LEPR: variants seen among roughly 807,000 people sequenced by gnomAD.
The protein encoded by LEPR is OB receptor.
In LEPR, 56 loss-of-function variants were observed where a neutral mutation model predicts 114.7. The observed-to-expected ratio is 0.49, with a 90% CI of 0.39 to 0.61. The LOEUF is 0.61. LEPR is among the 20% of genes least tolerant of loss of function. The probability of loss-of-function intolerance (pLI) is 0.00; values close to 1 mark genes in which losing one functional copy is unlikely to be tolerated. For missense variants in LEPR, 1,202 were observed against 1,352.9 expected, an observed-to-expected ratio of 0.89 and a Z score of 1.75; for synonymous variants, 443 against 461.4, an observed-to-expected ratio of 0.96 and a Z score of 0.51.
intron 19 of LEPR, among the ~76,000 whole-genome samples, chr1:65,624,981 T>C (rs1303018306): frequency 6.6e-6 from 1 of 152,204 alleles, no homozygotes; most frequent in Admixed American, 6.5e-5. Context: ...TCCTCACCTG[T>C]GCTGTTGCTC....
intron 5 of LEPR, among the ~76,000 whole-genome samples, chr1:65,588,375 C>T (rs936730947): frequency 6.6e-6 from 1 of 151,612 alleles, no homozygotes; most frequent in Non-Finnish European, 1.5e-5. Context: ...ACAAAAATTT[C>T]CTGGATTTTC....
intron 19 of LEPR, chr1:65,634,151 T>C (rs536945269): frequency 1.0e-6 from 1 of 985,348 alleles, no homozygotes; most frequent in African/African-American, 1.7e-5. Context: ...TATGCTGCGT[T>C]GCTCACATTC....
chr1:65,589,921 A>G (rs1391552574), intron 5 of LEPR, among the ~76,000 whole-genome samples: 1 of 151,990 alleles, frequency 6.6e-6, no homozygotes, highest in Non-Finnish European at 1.5e-5. Flanking sequence ...GCATTTCCAT[A>G]TGAATTTTTA....
chr1:65,546,280 T>C (rs1342094978), intron 2 of LEPR, among the ~76,000 whole-genome samples: 1 of 152,356 alleles, frequency 6.6e-6, no homozygotes, highest in Non-Finnish European at 1.5e-5. Context: ...AGGATTGACT[T>C]GGCGATGCGG....
intron 2 of LEPR, among the ~76,000 whole-genome samples, chr1:65,528,975 T>C (rs1394577336): frequency 1.6e-5 from 1 of 63,692 alleles, no homozygotes; most frequent in African/African-American, 5.0e-5. Flanking sequence ...TGGCTATTTT[T>C]TTTTTTTTTT....
At chr1:65,625,401 A>G (rs952855005) in intron 19 of LEPR, among the ~76,000 whole-genome samples, 4 of 152,312 alleles carry the variant, frequency 2.6e-5, no homozygotes, top group African/African-American at 7.2e-5. Context: ...CCCTGGCATT[A>G]TAAGGATAAG....
At chr1:65,589,868 T>C (rs920530239) in intron 5 of LEPR, among the ~76,000 whole-genome samples, 1 of 152,086 alleles carries the variant, frequency 6.6e-6, no homozygotes, top group African/African-American at 2.4e-5. Context: ...CTTCAAAATA[T>C]GTTCTTCAGT....
intron 2 of LEPR, among the ~76,000 whole-genome samples, chr1:65,544,368 A>G (rs1040799648): frequency 6.6e-6 from 1 of 152,028 alleles, no homozygotes; most frequent in Non-Finnish European, 1.5e-5. Context: ...TTCTAAATAC[A>G]CAATCATGTC....
At chr1:65,523,651 A>G (rs1486914983) in intron 2 of LEPR, among the ~76,000 whole-genome samples, 2 of 152,166 alleles carry the variant, frequency 1.3e-5, no homozygotes, top group African/African-American at 4.8e-5. Context: ...AATTAATTAT[A>G]TTTAGTGCCA....
intron 12 of LEPR, among the ~76,000 whole-genome samples, 175 bp from the exon 13 acceptor site, chr1:65,609,772 C>T (rs1657048874): frequency 6.6e-6 from 1 of 152,142 alleles, no homozygotes; most frequent in African/African-American, 2.4e-5. Flanking sequence ...AAATCCTTGA[C>T]TTGAAGGAGT....
At chr1:65,572,155 C>T (rs775764458) in intron 4 of LEPR, among the ~76,000 whole-genome samples, 171 bp from the exon 5 acceptor site, 2 of 151,626 alleles carry the variant, frequency 1.3e-5, no homozygotes, top group African/African-American at 2.4e-5. Flanking sequence ...GATGGGCAAA[C>T]GCATGCCACT....
At chr1:65,455,075 C>T (rs533488253) in intron 2 of LEPR, among the ~76,000 whole-genome samples, 182 of 152,284 alleles carry the variant, frequency 1.2e-3, no homozygotes, top group South Asian at 8.7e-3. Flanking sequence ...TTGATCGCAT[C>T]GGCTCCTGAG....
chr1:65,499,130 A>T (rs1359002915), intron 2 of LEPR, among the ~76,000 whole-genome samples: 2 of 152,148 alleles, frequency 1.3e-5, no homozygotes, highest in Non-Finnish European at 2.9e-5. Context: ...GCACTTTACT[A>T]TGTCTAAATG....
In LEPR at chr1:65,537,605, G is replaced by A. The variant is rs141640677; in HGVS notation, c.-20-27941G>A. On this transcript the variant is annotated intron_variant, in intron 2 of 19. Coordinates refer to ENST00000349533, the MANE Select transcript of LEPR (RefSeq NM_002303.6). ...TGGTTACATTTGTCATTTCCACCAC[G>A]ATATTTGTTCCATTAACTACAGACA... Among the ~76,000 whole-genome samples, 5 of 151,742 alleles carry A rather than the reference G, an allele frequency of 3.3e-5. No homozygotes were observed. The South Asian group carries it at 6.2e-4, about 19-fold the overall frequency.
intron 2 of LEPR, among the ~76,000 whole-genome samples, chr1:65,524,285 A>G (rs548225706): frequency 1.5e-4 from 23 of 152,318 alleles, no homozygotes; most frequent in Admixed American, 3.3e-4. Context: ...TCTCCATCCA[A>G]TAGAGACACC....
intron 2 of LEPR, among the ~76,000 whole-genome samples, chr1:65,466,003 T>C (rs902545337): frequency 6.6e-6 from 1 of 152,232 alleles, no homozygotes; most frequent in South Asian, 2.1e-4. Flanking sequence ...TGTCTTTTAA[T>C]TGGGGCATTT....
chr1:65,636,597 G>A lies in LEPR; in HGVS notation c.3080G>A (p.Ser1027Asn). The A allele has an allele frequency of 6.2e-7, 1 of 1,614,016 alleles. No individual in the cohort carries two copies. The highest frequency in any genetic ancestry group is 8.5e-7 in the Non-Finnish European group (1 of 1,179,964). ...NSPLKDSFSN[S>N]SWEIEAQAFF... is the part of the protein sequence containing the mutation. ...CCGTTGAAGGATTCTTTCTCTAATA[G>A]CTCATGGGAGATAGAGGCCCAGGCA... The change falls in exon 20 of 20, where the codon AGC becomes AAC. Residue 1027 changes from serine (S) to asparagine (N), a missense_variant. Ser to Asn is a conservative substitution (Grantham distance 46, BLOSUM62 1). Coordinates refer to ENST00000349533, the MANE Select transcript of LEPR (RefSeq NM_002303.6).
chr1:65,508,955 A>T (rs555162605), intron 2 of LEPR, among the ~76,000 whole-genome samples: 1 of 152,072 alleles, frequency 6.6e-6, no homozygotes, highest in East Asian at 1.9e-4. Flanking sequence ...ACTAATGTAA[A>T]TGGGATTGTT....
chr1:65,522,866 A>C (rs1327715110), intron 2 of LEPR, among the ~76,000 whole-genome samples: 1 of 151,850 alleles, frequency 6.6e-6, no homozygotes, highest in Non-Finnish European at 1.5e-5. Context: ...TCTCAAAAAA[A>C]ATACTGAATG....
Sources: allele counts gnomAD v4.1 joint callset (sites outside exome capture counted in the v4.1 genomes callset), GRCh38; gene constraint gnomAD v4.1.1; transcripts MANE v1.5; gene names NCBI Gene and HGNC (gene_info 2026-07-23, HGNC 2026-07-21).